The following SEM1 variants were observed in gnomAD, a reference collection of about 807,000 sequenced individuals.
SEM1 encodes 26S proteasome complex subunit SEM1.
Under a neutral mutation model 12.7 loss-of-function variants are expected in SEM1, and 3 were observed. The observed-to-expected ratio is 0.24, with a 90% confidence interval of 0.11 to 0.61. The LOEUF (loss-of-function observed/expected upper bound fraction) is 0.61, where lower values mean the gene tolerates loss of function less well. SEM1 is among the 20% of genes least tolerant of loss of function. SEM1 has a pLI of 0.88. For missense variants in SEM1, 59 were observed against 81.3 expected, an observed-to-expected ratio of 0.73 and a Z score of 1.06; for synonymous variants, 30 against 27.8, an observed-to-expected ratio of 1.08 and a Z score of -0.25.
chr7:96,656,162 C>A (rs868124568), intron 2 of SEM1, among the ~76,000 whole-genome samples: 1 of 152,208 alleles, frequency 6.6e-6, no homozygotes, highest in East Asian at 1.9e-4. Context: ...AATTAAATTC[C>A]ATTTTTTTGC....
rs11972635 is a variant in SEM1 at position 96,599,174 on chromosome 7, A to G, written c.171-92476T>C. 3.4e-3 allele frequency among the ~76,000 whole-genome samples: 514 copies of G among 152,210 alleles called. 1 individual carries two copies. The highest frequency in any genetic ancestry group is 0.012 in the African/African-American group (484 of 41,538). On this transcript the variant is annotated intron_variant and NMD_transcript_variant, in intron 2 of 3. Coordinates refer to the SEM1 transcript ENST00000466986. ...ACAATGGAAGGTTTAGGGCTTTATC[A>G]GGTGTGGAGTGCTAAAGCATAGCAC...
intron 3 of SEM1, among the ~76,000 whole-genome samples, chr7:96,504,722 G>A (rs964974909): frequency 6.6e-6 from 1 of 151,958 alleles, no homozygotes; most frequent in Non-Finnish European, 1.5e-5. Context: ...TATTTCCAAT[G>A]ATCTTATAAA....
intron 2 of SEM1, among the ~76,000 whole-genome samples, chr7:96,681,145 A>C (rs1181457424): frequency 6.6e-6 from 1 of 152,164 alleles, no homozygotes; most frequent in African/African-American, 2.4e-5. Context: ...AGAAGTGATC[A>C]AAATATGACA....
intron 2 of SEM1, among the ~76,000 whole-genome samples, chr7:96,605,030 C>T (rs1020884507): frequency 2.6e-5 from 4 of 152,044 alleles, no homozygotes; most frequent in African/African-American, 9.7e-5. Flanking sequence ...ACTCAACCTC[C>T]CCATGTGAAA....
rs79749331 is a variant in SEM1 at position 96,689,451 on chromosome 7, T to C, written c.171-485A>G. Among the ~76,000 whole-genome samples the C allele has an allele frequency of 1.2e-3, 177 of 152,334 alleles. 1 individual carries two copies. Among genetic ancestry groups the C allele is most frequent in the Middle Eastern group, 6.8e-3 (2 of 294 alleles). On this transcript the variant is annotated intron_variant, in intron 2 of 2. Coordinates refer to ENST00000248566, the MANE Select transcript of SEM1 (RefSeq NM_006304.2). The stretch of plus-strand genomic sequence containing the variant: ...ACAGATTGCTTTCCATATTGACATA[T>C]ATGTATTGCTCTAACCTTATTTGCC...
At chr7:96,494,889 G>C (rs1733911963) in intron 1 of SEM1, among the ~76,000 whole-genome samples, 1 of 122,624 alleles carries the variant, frequency 8.2e-6, no homozygotes, top group African/African-American at 3.2e-5. Context: ...GAGAGAAGGG[G>C]GTGAAGAGAG....
At chr7:96,620,267 C>T (rs1280561458), downstream of SEM1, among the ~76,000 whole-genome samples, 1 of 152,074 alleles carries the variant, frequency 6.6e-6, no homozygotes, top group East Asian at 1.9e-4. Context: ...CTACTCACAT[C>T]TCAGTCTCAA....
intron 2 of SEM1, among the ~76,000 whole-genome samples, chr7:96,561,038 T>A (rs1805674589): frequency 6.6e-6 from 1 of 152,116 alleles, no homozygotes; most frequent in Non-Finnish European, 1.5e-5. Context: ...TACCTCAGTC[T>A]CCCCAGTAGC....
chr7:96,589,594 G>A (rs1035857553), intron 2 of SEM1, among the ~76,000 whole-genome samples: 2 of 151,956 alleles, frequency 1.3e-5, no homozygotes, highest in Non-Finnish European at 2.9e-5. Context: ...AGTGACATAA[G>A]GTCATTTACA....
chr7:96,497,062 A>T (rs373507036), upstream of SEM1, among the ~76,000 whole-genome samples: 3 of 151,948 alleles, frequency 2.0e-5, no homozygotes, highest in African/African-American at 4.8e-5. Context: ...CTGCAAATTC[A>T]TCTAATGTTG....
intron 2 of SEM1, among the ~76,000 whole-genome samples, chr7:96,585,734 GTGCT>G (rs1166961232): frequency 7.4e-6 from 1 of 135,728 alleles, no homozygotes; most frequent in Non-Finnish European, 1.6e-5. Context: ...GATTTTCCAG[GTGCT>G]GTCTGTCACC....
chr7:96,515,989 A>G (rs1241560557), intron 2 of SEM1, among the ~76,000 whole-genome samples: 1 of 152,092 alleles, frequency 6.6e-6, no homozygotes, highest in Non-Finnish European at 1.5e-5. Flanking sequence ...ACAAAATTGC[A>G]TGTTGTGCAC....
chr7:96,545,110 G>A (rs1805066871), intron 2 of SEM1, among the ~76,000 whole-genome samples: 1 of 151,934 alleles, frequency 6.6e-6, no homozygotes, highest in Admixed American at 6.6e-5. Context: ...TGGATTTGAG[G>A]AGAATCAGGA....
At chr7:96,610,288 G>A (rs1221057516) in intron 2 of SEM1, among the ~76,000 whole-genome samples, 1 of 151,982 alleles carries the variant, frequency 6.6e-6, no homozygotes, top group Non-Finnish European at 1.5e-5. Flanking sequence ...TAGTAGAGAT[G>A]GGGTTTCTCC....
intron 2 of SEM1, among the ~76,000 whole-genome samples, chr7:96,592,342 GC>G (rs1436540619): frequency 6.6e-6 from 1 of 151,882 alleles, no homozygotes; most frequent in East Asian, 2.0e-4. Flanking sequence ...AGAGGCACTT[GC>G]CCCCAACTGA....
intron 1 of SEM1, among the ~76,000 whole-genome samples, chr7:96,703,529 T>C (rs1267611839): frequency 6.6e-6 from 1 of 152,120 alleles, no homozygotes; most frequent in African/African-American, 2.4e-5. Flanking sequence ...GTTTATCTTA[T>C]AGATTAGCAC....
intron 2 of SEM1, among the ~76,000 whole-genome samples, chr7:96,541,431 GTT>G (rs55863103): frequency 2.5e-5 from 3 of 121,508 alleles, no homozygotes; most frequent in African/African-American, 3.8e-5. Flanking sequence ...TTTTTAATGG[GTT>G]TTTTTTTTTG....
chr7:96,494,604 T>G (rs184757660), intron 1 of SEM1, among the ~76,000 whole-genome samples: 29 of 152,254 alleles, frequency 1.9e-4, no homozygotes, highest in Non-Finnish European at 3.2e-4. Flanking sequence ...CCTCTTAGAT[T>G]AGGACATGGG....
At position 96,593,020 on chromosome 7, in the gene SEM1, A is replaced by G. The variant is rs1052187776; in HGVS notation, c.171-86322T>C. 6.0e-5 allele frequency among the ~76,000 whole-genome samples: 9 copies of G among 150,270 alleles called. No homozygotes were observed. In the East Asian group the frequency reaches 1.8e-3, roughly 29 times the overall value. ...ATATTAAAAAAAAAAAAAAAAAAAA[A>G]GGCACACTTTCTTAAAACGTCATTT... is the stretch of plus-strand genomic sequence containing the variant. On this transcript the variant is annotated intron_variant and NMD_transcript_variant, in intron 2 of 3. Transcript: ENST00000466986.
Sources: gnomAD v4.1 joint callset for allele counts (sites outside exome capture counted in the v4.1 genomes callset) on GRCh38, gnomAD v4.1.1 for gene constraint, MANE v1.5 for transcripts, NCBI Gene and HGNC (gene_info 2026-07-23, HGNC 2026-07-21) for gene names.